ROBO2: variants seen among roughly 807,000 people sequenced by gnomAD.
The protein encoded by ROBO2 is roundabout guidance receptor 2, also known as roundabout homolog 2.
Under a neutral mutation model 160.8 loss-of-function variants are expected in ROBO2, and 53 were observed. The ratio of observed to expected loss-of-function variants is 0.33; its 90% CI spans 0.26 to 0.41. The LOEUF is 0.41. ROBO2 is among the 10% of genes least tolerant of loss of function. ROBO2 has a pLI of 1.00. For synonymous variants in ROBO2, 664 were observed against 611.7 expected (o/e 1.09, Z -1.26); for missense variants, 1,577 against 1,722.4 (o/e 0.92, Z 1.49).
chr3:76,094,593 A>T (rs1020085723), intron 2 of ROBO2, among the ~76,000 whole-genome samples: 1 of 152,226 alleles, frequency 6.6e-6, no homozygotes, highest in Non-Finnish European at 1.5e-5. Flanking sequence ...TAGAATGTGC[A>T]ATTATGTTAT....
At chr3:76,920,665 C>T (rs1042416500) in intron 2 of ROBO2, among the ~76,000 whole-genome samples, 2 of 152,210 alleles carry the variant, frequency 1.3e-5, no homozygotes, top group African/African-American at 4.8e-5. Context: ...TTATATATGA[C>T]AGCAACATGC....
At chr3:76,817,827 C>CTT (rs78546104) in intron 2 of ROBO2, among the ~76,000 whole-genome samples, 25 of 129,446 alleles carry the variant, frequency 1.9e-4, no homozygotes, top group African/African-American at 4.6e-4. Flanking sequence ...TATTTCATTC[C>CTT]TTTTTTTTTT....
intron 2 of ROBO2, among the ~76,000 whole-genome samples, chr3:77,133,829 A>G (rs1282601674): frequency 6.6e-6 from 1 of 152,170 alleles, no homozygotes; most frequent in Non-Finnish European, 1.5e-5. Flanking sequence ...GAGAGATGTC[A>G]TTTTCTTATC....
At chr3:77,236,582 T>G (rs2088018997) in intron 2 of ROBO2, among the ~76,000 whole-genome samples, 1 of 152,182 alleles carries the variant, frequency 6.6e-6, no homozygotes, top group South Asian at 2.1e-4. Context: ...GGGTACACTA[T>G]TGGTTGGTAG....
At chr3:76,761,458 C>A (rs2061305375) in intron 2 of ROBO2, among the ~76,000 whole-genome samples, 1 of 151,690 alleles carries the variant, frequency 6.6e-6, no homozygotes, top group Admixed American at 6.6e-5. Flanking sequence ...CAAAAGTGTC[C>A]TGGCTGGGAA....
At position 77,391,372 on chromosome 3, in the gene ROBO2, T is replaced by A. The variant is rs190001639; in HGVS notation, c.389-86042T>A. Among the ~76,000 whole-genome samples, 24 of 151,750 alleles carry A rather than the reference T, an allele frequency of 1.6e-4. No homozygotes were observed. In the East Asian group the frequency reaches 4.5e-3, roughly 29 times the overall value. On this transcript the variant is annotated intron_variant, in intron 2 of 25. Coordinates refer to ENST00000461745, the Ensembl canonical transcript of ROBO2. ...CCCAGGCTGGAGTACAGTGACACAA[T>A]CACGGCTCACTGCAGCCTCAACCTC...
chr3:77,602,143 T>C (rs1008352507), intron 19 of ROBO2, 67 bp from the exon 21 acceptor site: 1 of 1,504,066 alleles, frequency 6.6e-7, no homozygotes, highest in African/African-American at 1.4e-5. Flanking sequence ...TTTTTCATCT[T>C]CAGTCCTGAT....
chr3:76,903,414 A>G (rs2075368119), intron 2 of ROBO2, among the ~76,000 whole-genome samples: 1 of 152,010 alleles, frequency 6.6e-6, no homozygotes, highest in African/African-American at 2.4e-5. Flanking sequence ...CTGGGAGTCA[A>G]TTGGACTTGA....
At chr3:76,901,731 AT>A (rs2075251563) in intron 2 of ROBO2, among the ~76,000 whole-genome samples, 1 of 152,010 alleles carries the variant, frequency 6.6e-6, no homozygotes, top group African/African-American at 2.4e-5. Context: ...AACAATGGAT[AT>A]TTTCTTGTTA....
chr3:76,832,409 A>G (rs2067169154), intron 2 of ROBO2, among the ~76,000 whole-genome samples: 1 of 152,192 alleles, frequency 6.6e-6, no homozygotes, highest in South Asian at 2.1e-4. Context: ...TCAAGAAATT[A>G]ACAACTTTGG....
chr3:77,516,634 C>A (rs2090049912), intron 5 of ROBO2, among the ~76,000 whole-genome samples: 1 of 151,448 alleles, frequency 6.6e-6, no homozygotes, highest in African/African-American at 2.4e-5. Context: ...ATATGTAAAC[C>A]ATATGTGTAG....
intron 14 of ROBO2, among the ~76,000 whole-genome samples, chr3:77,576,147 G>T (rs1243471037): frequency 1.3e-5 from 2 of 152,064 alleles, no homozygotes; most frequent in Non-Finnish European, 2.9e-5. Context: ...ATAACTACAA[G>T]GCTCGTAGAC....
chr3:76,261,448 G>A (rs571673630), intron 2 of ROBO2, among the ~76,000 whole-genome samples: 2 of 151,506 alleles, frequency 1.3e-5, no homozygotes, highest in East Asian at 2.0e-4. Context: ...TTTTGGGGGG[G>A]AACTATACTT....
intron 5 of ROBO2, among the ~76,000 whole-genome samples, chr3:77,505,300 T>A (rs1401071693): frequency 6.6e-6 from 1 of 152,096 alleles, no homozygotes; most frequent in Non-Finnish European, 1.5e-5. Flanking sequence ...TACACAAATA[T>A]GGACATTAAT....
intron 2 of ROBO2, among the ~76,000 whole-genome samples, chr3:76,876,203 T>G (rs926118012): frequency 2.0e-5 from 3 of 152,158 alleles, no homozygotes; most frequent in Admixed American, 6.5e-5. Flanking sequence ...GAAGAATCAC[T>G]TTCTCCATGG....
chr3:77,102,452 A>T (rs2072094912), intron 2 of ROBO2, among the ~76,000 whole-genome samples: 1 of 152,238 alleles, frequency 6.6e-6, no homozygotes, highest in Non-Finnish European at 1.5e-5. Context: ...AGAGAAAGTC[A>T]GTTGAGAACC....
intron 8 of ROBO2, among the ~76,000 whole-genome samples, chr3:77,554,248 G>A (rs2093029687): frequency 6.6e-6 from 1 of 151,820 alleles, no homozygotes; most frequent in South Asian, 2.1e-4. Flanking sequence ...ACAGTGTTGA[G>A]ATCTACTCTG....
intron 2 of ROBO2, among the ~76,000 whole-genome samples, chr3:77,022,639 A>C (rs1461471179): frequency 6.6e-6 from 1 of 152,268 alleles, no homozygotes; most frequent in Admixed American, 6.5e-5. Flanking sequence ...TAAAACTTTG[A>C]TTAAACAAAT....
At position 76,825,603 on chromosome 3, in the gene ROBO2, CAAAAAAAA is replaced by C. The variant is rs201063990; in HGVS notation, c.110-272389_110-272382del. On this transcript the variant is annotated intron_variant, in intron 2 of 26. Coordinates refer to the ROBO2 transcript ENST00000487694. The stretch of plus-strand genomic sequence containing the variant: ...GAGTCTACCCTTTCATCATCTTAGC[CAAAAAAAA>C]AAAAAAAAAAAAAAAAAAAAATGAA... Among the ~76,000 whole-genome samples the C allele has an allele frequency of 9.7e-5, 7 of 72,494 alleles. No individual in the cohort carries two copies. The South Asian group carries it at 3.2e-3, about 33-fold the overall frequency. The allele number at this position is 72,494 out of a possible 152,430, so 47.6% of individuals were successfully genotyped here.
Sources: gnomAD v4.1 joint callset for allele counts (sites outside exome capture counted in the v4.1 genomes callset) on GRCh38, gnomAD v4.1.1 for gene constraint, MANE v1.5 for transcripts, NCBI Gene and HGNC (gene_info 2026-07-23, HGNC 2026-07-21) for gene names.